Variants in LOC400499 observed in about 807,000 individuals in gnomAD.
chr16:11,487,463 C>T, the LOC400499 span: 1 of 398,104 alleles, frequency 2.5e-6, no homozygotes, highest in Non-Finnish European at 4.4e-6. Flanking sequence ...AGGGCCATAC[C>T]CTGAGACAGG....
chr16:11,515,994 G>T, the LOC400499 span: 1 of 399,886 alleles, frequency 2.5e-6, no homozygotes. Context: ...CACCGTGCCA[G>T]GTCCTTTGTC....
At chr16:11,380,068 C>T in the LOC400499 span, among the ~76,000 whole-genome samples, 30 of 152,222 alleles carry the variant, frequency 2.0e-4, no homozygotes, top group Non-Finnish European at 3.5e-4. Flanking sequence ...AGTGATCCTT[C>T]GGAGTAGCTG....
the LOC400499 span, among the ~76,000 whole-genome samples, chr16:11,448,343 G>A: frequency 1.3e-5 from 2 of 152,184 alleles, no homozygotes; most frequent in African/African-American, 4.8e-5. Context: ...TTTTGCTCCT[G>A]GATCTTTGCT....
At chr16:11,469,938 G>A in the LOC400499 span, among the ~76,000 whole-genome samples, 15 of 151,056 alleles carry the variant, frequency 9.9e-5, no homozygotes, top group South Asian at 2.9e-3. Context: ...GTCCCGCTCT[G>A]TTGCCCAGGC....
At chr16:11,514,772 G>T in the LOC400499 span, among the ~76,000 whole-genome samples, 1 of 152,202 alleles carries the variant, frequency 6.6e-6, no homozygotes, top group South Asian at 2.1e-4. Context: ...GAGATGACAA[G>T]GACGAGGGGA....
At chr16:11,517,619 T>G in the LOC400499 span, among the ~76,000 whole-genome samples, 1 of 152,260 alleles carries the variant, frequency 6.6e-6, no homozygotes, top group South Asian at 2.1e-4. Context: ...ACTGTCATTG[T>G]TGAGACAAGG....
At chr16:11,439,510 T>C in the LOC400499 span, 1 of 398,972 alleles carries the variant, frequency 2.5e-6, no homozygotes, top group South Asian at 1.3e-4. Context: ...GAGGAAATGT[T>C]GGTCCGTGAG....
the LOC400499 span, among the ~76,000 whole-genome samples, chr16:11,395,491 A>C: frequency 2.0e-5 from 3 of 152,300 alleles, no homozygotes; most frequent in South Asian, 2.1e-4. Context: ...CGGGGAAGTG[A>C]CAGTCAGTCC....
chr16:11,487,786 C>A, the LOC400499 span, among the ~76,000 whole-genome samples: 1 of 152,154 alleles, frequency 6.6e-6, no homozygotes, highest in African/African-American at 2.4e-5. Flanking sequence ...CAATTCACAG[C>A]CCTCAGCAAG....
chr16:11,462,137 C>T, the LOC400499 span: 5 of 1,516,846 alleles, frequency 3.3e-6, no homozygotes, highest in East Asian at 1.2e-4. Flanking sequence ...GGCCTGGTCA[C>T]TCAGCAGATG....
chr16:11,525,364 T>C, the LOC400499 span, among the ~76,000 whole-genome samples: 2 of 151,764 alleles, frequency 1.3e-5, 1 homozygote, highest in South Asian at 4.2e-4. Context: ...GTGCATTATA[T>C]ACTATTTTGT....
At chr16:11,434,658 G>A in the LOC400499 span, among the ~76,000 whole-genome samples, 1 of 152,216 alleles carries the variant, frequency 6.6e-6, no homozygotes, top group East Asian at 1.9e-4. Context: ...GATTACACCT[G>A]CAGCAAAGAT....
the LOC400499 span, chr16:11,475,738 G>A: frequency 7.8e-5 from 31 of 398,842 alleles, no homozygotes; most frequent in Middle Eastern, 6.3e-4. Flanking sequence ...AGAGGACAGT[G>A]TCAGACGCAT....
At chr16:11,469,500 G>T in the LOC400499 span, 90 of 399,040 alleles carry the variant, frequency 2.3e-4, no homozygotes, top group African/African-American at 1.7e-3. Flanking sequence ...GAGGGACGTT[G>T]ACATTACCGT....
chr16:11,393,144 A>G, the LOC400499 span, among the ~76,000 whole-genome samples: 32,264 of 130,072 alleles, frequency 0.25, 3,959 homozygotes, highest in African/African-American at 0.31. Flanking sequence ...GTGAGCCACC[A>G]CGCCTGGCCA....
the LOC400499 span, among the ~76,000 whole-genome samples, chr16:11,483,119 G>T: frequency 8.5e-5 from 13 of 152,096 alleles, no homozygotes; most frequent in Non-Finnish European, 1.8e-4. Context: ...ATACCACAAC[G>T]CATTATTAGA....
chr16:11,420,218 G>T, the LOC400499 span, among the ~76,000 whole-genome samples: 721 of 151,656 alleles, frequency 4.8e-3, 5 homozygotes, highest in Non-Finnish European at 6.7e-3. Flanking sequence ...TCATAGAATG[G>T]ATTAAGAAAA....
the LOC400499 span, among the ~76,000 whole-genome samples, chr16:11,424,854 G>C: frequency 7.9e-5 from 12 of 152,288 alleles, no homozygotes; most frequent in African/African-American, 2.6e-4. Flanking sequence ...CAGGGAATTG[G>C]GGGTGGGAGG....
the LOC400499 span, chr16:11,372,110 G>A: frequency 6.6e-6 from 1 of 152,258 alleles, no homozygotes; most frequent in East Asian, 1.9e-4. Context: ...GTAGCCTGGA[G>A]GCCTGAGTTC....
Sources: allele counts gnomAD v4.1 joint callset (sites outside exome capture counted in the v4.1 genomes callset), GRCh38; gene constraint gnomAD v4.1.1; transcripts MANE v1.5.